Variants in SCLT1 observed in about 807,000 individuals in gnomAD.
The protein encoded by SCLT1 is sodium channel and clathrin linker 1.
In SCLT1, 78 loss-of-function variants were observed where a neutral mutation model predicts 112.8. The observed-to-expected ratio is 0.69, with a 90% CI of 0.58 to 0.83. The LOEUF (loss-of-function observed/expected upper bound fraction) is 0.83. Among genes scored for constraint, SCLT1 ranks in the 40% least tolerant of loss-of-function variants. The probability of loss-of-function intolerance (pLI) is 0.00; values close to 1 mark genes in which losing one functional copy is unlikely to be tolerated. For missense variants in SCLT1, 747 were observed against 770.4 expected (o/e 0.97, Z 0.36); for synonymous variants, 257 against 254.7 (o/e 1.01, Z -0.09).
chr4:128,883,388 A>C (rs1732690870), downstream of SCLT1, among the ~76,000 whole-genome samples: 1 of 151,842 alleles, frequency 6.6e-6, no homozygotes, highest in Admixed American at 6.6e-5. Flanking sequence ...GACTCCTATC[A>C]CACACCCGGG....
At chr4:128,995,865 G>T (rs1293894753) in intron 8 of SCLT1, among the ~76,000 whole-genome samples, 1 of 152,100 alleles carries the variant, frequency 6.6e-6, no homozygotes, top group Non-Finnish European at 1.5e-5. Context: ...CTAGGGGAAA[G>T]TTGAGAACTG....
At chr4:128,890,632 C>T (rs868014208) in intron 19 of SCLT1, among the ~76,000 whole-genome samples, 1 of 152,056 alleles carries the variant, frequency 6.6e-6, no homozygotes, top group Non-Finnish European at 1.5e-5. Context: ...AAAACTTGAA[C>T]TCTTGCTATA....
At chr4:129,077,924 G>A (rs1449769994) in intron 2 of SCLT1, among the ~76,000 whole-genome samples, 5 of 152,200 alleles carry the variant, frequency 3.3e-5, no homozygotes, top group African/African-American at 1.2e-4. Flanking sequence ...ATTTCCTCAT[G>A]CTGTCATATC....
rs1480870404 is a variant in SCLT1 at position 129,057,372 on chromosome 4, G to A, written c.103-13321C>T. ...CATTTGGAAGAATCACCTAACCTTT[G>A]GTTTTCTGAAATAATTTTAGAAGAA... On this transcript the variant is annotated intron_variant, in intron 2 of 20. Transcript: ENST00000281142. Among the ~76,000 whole-genome samples the A allele has an allele frequency of 2.7e-5, 4 of 147,838 alleles. No individual in the cohort carries two copies. In the South Asian group the frequency reaches 6.5e-4, roughly 24 times the overall value.
At chr4:128,999,195 C>G (rs746693097) in intron 7 of SCLT1, among the ~76,000 whole-genome samples, 4 of 151,912 alleles carry the variant, frequency 2.6e-5, no homozygotes, top group Admixed American at 6.6e-5. Context: ...AAATTCTATT[C>G]TGATTAATTT....
Position 128,959,644 on chromosome 4 carries a change from T to C in SCLT1, c.1003A>G (p.Asn335Asp), listed in dbSNP as rs1739511131. The change falls in exon 12 of 21, where the codon AAT (asparagine) becomes GAT (aspartate). Residue 335 changes from asparagine (N) to aspartate (D), a missense_variant. Physicochemically the swap from Asn to Asp is conservative, Grantham distance 23. Transcript: ENST00000281142. ...GCTTCTTCTAAGAGTTGCATGCTATTTCTGGCTCTTACAATAGCCTCATAT... is the reference window on the plus strand; with the variant it reads ...GCTTCTTCTAAGAGTTGCATGCTATCTCTGGCTCTTACAATAGCCTCATAT... ...ERYEAIVRAR[N>D]SMQLLEEANL... The C allele has an allele frequency of 6.2e-7, 1 of 1,613,476 alleles. No homozygotes were observed. Among genetic ancestry groups the C allele is most frequent in the African/African-American group, 1.3e-5 (1 of 74,924 alleles).
intron 9 of SCLT1, among the ~76,000 whole-genome samples, chr4:128,977,593 T>C (rs537708877): frequency 6.6e-6 from 1 of 152,114 alleles, no homozygotes; most frequent in African/African-American, 2.4e-5. Context: ...ATGGTAGAAA[T>C]ATCTGAGCTA....
intron 18 of SCLT1, among the ~76,000 whole-genome samples, chr4:128,900,625 T>G (rs1734199428): frequency 6.6e-6 from 1 of 152,198 alleles, no homozygotes; most frequent in Admixed American, 6.5e-5. Flanking sequence ...GGGCAAGGAC[T>G]TCATGTCTAA....
intron 18 of SCLT1, among the ~76,000 whole-genome samples, chr4:128,898,160 A>G (rs318525): frequency 0.73 from 110,313 of 151,792 alleles, 40,396 homozygotes; most frequent in African/African-American, 0.82. Flanking sequence ...ACTCAGCTCC[A>G]TACCAAGCAG....
chr4:129,087,485 G>GA (rs532075122), intron 1 of SCLT1, among the ~76,000 whole-genome samples: 3,565 of 144,614 alleles, frequency 0.025, 66 homozygotes, highest in South Asian at 0.079. Flanking sequence ...TATTGGGAAG[G>GA]AAAAAAAAAA....
At chr4:129,042,808 C>T (rs901873728) in intron 4 of SCLT1, among the ~76,000 whole-genome samples, 1 of 152,058 alleles carries the variant, frequency 6.6e-6, no homozygotes, top group Admixed American at 6.6e-5. Context: ...ACCACCACAC[C>T]CAGCTAACTT....
chr4:129,007,605 C>G (rs1291787702), intron 5 of SCLT1, among the ~76,000 whole-genome samples: 1 of 151,902 alleles, frequency 6.6e-6, no homozygotes, highest in African/African-American at 2.4e-5. Flanking sequence ...TTATTTTCAC[C>G]CATTCTGTAC....
chr4:128,961,717 A>G (rs1342248093), intron 11 of SCLT1, among the ~76,000 whole-genome samples: 1 of 152,094 alleles, frequency 6.6e-6, no homozygotes, highest in African/African-American at 2.4e-5. Context: ...ATTTCCCCCA[A>G]AGGTTTACTG....
intron 16 of SCLT1, among the ~76,000 whole-genome samples, chr4:128,945,277 A>C (rs1456316473): frequency 9.2e-5 from 14 of 152,174 alleles, no homozygotes; most frequent in Non-Finnish European, 1.8e-4. Flanking sequence ...GGTATTGGGA[A>C]AAGCCTTCAT....
At chr4:129,010,328 T>C (rs931970003) in intron 5 of SCLT1, among the ~76,000 whole-genome samples, 4 of 152,198 alleles carry the variant, frequency 2.6e-5, no homozygotes, top group Admixed American at 1.3e-4. Context: ...CCCTGCAGTA[T>C]AGTTTGAAGT....
At chr4:128,947,412 T>G (rs981508065) in intron 15 of SCLT1, among the ~76,000 whole-genome samples, 1 of 152,178 alleles carries the variant, frequency 6.6e-6, no homozygotes, top group Non-Finnish European at 1.5e-5. Flanking sequence ...ATTTTTTTTT[T>G]CACAAATGGA....
chr4:129,093,390 C>T lies in SCLT1; in HGVS notation c.-287G>A. On this transcript the variant is annotated 5_prime_UTR_variant, in exon 1 of 21. Coordinates refer to ENST00000281142, the MANE Select transcript of SCLT1 (RefSeq NM_144643.4). ...AGAGGACGCGGTCGATACAGGCGTC[C>T]CGCGGGTCACTCTGGGTCTCGTCGG... The T allele has an allele frequency of 2.0e-6, 1 of 497,144 alleles. No homozygotes were observed. Among genetic ancestry groups the T allele is most frequent in the Non-Finnish European group, 3.6e-6 (1 of 275,322 alleles). The allele number at this position is 497,144 out of a possible 1,614,324, so 30.8% of individuals were successfully genotyped here. A position where few individuals can be genotyped will look rare whatever the true frequency, so the allele number is the denominator to read the frequency against.
intron 11 of SCLT1, among the ~76,000 whole-genome samples, chr4:128,964,599 G>A (rs1403128126): frequency 6.6e-6 from 1 of 152,042 alleles, no homozygotes; most frequent in Non-Finnish European, 1.5e-5. Flanking sequence ...TAGGATTTAT[G>A]GTTCATGATT....
intron 16 of SCLT1, among the ~76,000 whole-genome samples, chr4:128,943,704 G>T (rs935453453): frequency 6.6e-6 from 1 of 151,936 alleles, no homozygotes; most frequent in Admixed American, 6.6e-5. Flanking sequence ...TAGGTTAAAC[G>T]GATTATATTT....
Sources: allele counts gnomAD v4.1 joint callset (sites outside exome capture counted in the v4.1 genomes callset), GRCh38; gene constraint gnomAD v4.1.1; transcripts MANE v1.5; gene names NCBI Gene and HGNC (gene_info 2026-07-23, HGNC 2026-07-21).